The following RBM41 variants were observed in gnomAD, a reference collection of about 807,000 sequenced individuals.
RBM41 encodes the protein RNA-binding protein 41.
Under a neutral mutation model 30.8 loss-of-function variants are expected in RBM41, and 14 were observed. The ratio of observed to expected loss-of-function variants is 0.45; its 90% CI spans 0.30 to 0.71. The LOEUF is 0.71. RBM41 is among the 30% of genes least tolerant of loss of function. The pLI is 0.08. For missense variants in RBM41, 276 were observed against 326.3 expected (o/e 0.85, Z 1.19); for synonymous variants, 120 against 110.1 (o/e 1.09, Z -0.56).
chrX:107,094,356 C>T (rs1156451650), intron 5 of RBM41, among the ~76,000 whole-genome samples: 1 of 112,275 alleles, frequency 8.9e-6, no homozygotes, highest in Non-Finnish European at 1.9e-5. Flanking sequence ...TAATCACACA[C>T]ACATAAGTGG....
At chrX:107,073,903 G>A (rs778808518) in intron 6 of RBM41, among the ~76,000 whole-genome samples, 47 of 111,328 alleles carry the variant, frequency 4.2e-4, no homozygotes, top group Non-Finnish European at 8.3e-4. Context: ...ACTTATATGT[G>A]GGAGCTAAAA....
In RBM41 at chrX:107,088,581, G is replaced by A. The variant is rs748444962; in HGVS notation, c.854C>T (p.Pro285Leu). The A allele has an allele frequency of 3.3e-6, 4 of 1,211,346 alleles. No homozygotes were observed. Among genetic ancestry groups the A allele is most frequent in the Non-Finnish European group, 4.5e-6 (4 of 895,452 alleles). The stretch of plus-strand genomic sequence containing the variant: ...CTTAGGCCCAGTCCAACACTGCTCA[G>A]GTGAAAAATCAATAACATTTGCCAC... ...LHVANVIDFS[P>L]EQCWTGPKKL... The change falls in exon 6 of 8, where the codon CCT (proline) becomes CTT (leucine). Residue 285 changes from proline (P) to leucine (L), a missense_variant. Transcript: ENST00000685964.
chrX:107,073,737 C>G (rs1277938743), intron 6 of RBM41, among the ~76,000 whole-genome samples: 6 of 111,899 alleles, frequency 5.4e-5, no homozygotes, highest in African/African-American at 1.9e-4. Flanking sequence ...TGAAGTTAAC[C>G]TAGGTGCCCA....
At chrX:107,109,698 T>C (rs534851720) in intron 5 of RBM41, among the ~76,000 whole-genome samples, 3 of 111,563 alleles carry the variant, frequency 2.7e-5, no homozygotes, top group African/African-American at 9.7e-5. Flanking sequence ...TTTGAAATCT[T>C]TTTTCTTTAT....
At chrX:107,114,038 C>T (rs982211397) in intron 4 of RBM41, among the ~76,000 whole-genome samples, 2 of 111,799 alleles carry the variant, frequency 1.8e-5, no homozygotes, top group African/African-American at 3.3e-5. Flanking sequence ...ACTCATCATC[C>T]TTCCTCGAAA....
intron 6 of RBM41, among the ~76,000 whole-genome samples, chrX:107,081,948 C>T (rs1921560157): frequency 2.7e-5 from 3 of 112,036 alleles, no homozygotes; most frequent in South Asian, 3.7e-4. Context: ...CACAGACATA[C>T]GTGTTACTTG....
chrX:107,108,374 A>G (rs1329197669), intron 5 of RBM41, among the ~76,000 whole-genome samples: 1 of 111,550 alleles, frequency 9.0e-6, no homozygotes, highest in East Asian at 2.8e-4. Context: ...CGTGACTCCC[A>G]TTGAATAAAG....
intron 5 of RBM41, among the ~76,000 whole-genome samples, chrX:107,108,500 G>A (rs1256255052): frequency 4.5e-5 from 5 of 111,732 alleles, no homozygotes; most frequent in African/African-American, 1.6e-4. Flanking sequence ...ATGTGCAGAA[G>A]AGACATGGCA....
intron 5 of RBM41, among the ~76,000 whole-genome samples, chrX:107,101,280 C>T (rs370925023): frequency 1.8e-5 from 2 of 111,349 alleles, no homozygotes; most frequent in South Asian, 3.8e-4. Flanking sequence ...ATCTATCTCA[C>T]TATAAAGAGA....
chrX:107,087,099 G>A (rs943100265), intron 6 of RBM41, among the ~76,000 whole-genome samples: 3 of 111,186 alleles, frequency 2.7e-5, no homozygotes, highest in African/African-American at 9.8e-5. Context: ...AAGGAGAATG[G>A]GATTGGTGAG....
intron 5 of RBM41, among the ~76,000 whole-genome samples, chrX:107,106,250 C>CA (rs1178993560): frequency 8.9e-6 from 1 of 111,811 alleles, no homozygotes; most frequent in Non-Finnish European, 1.9e-5. Flanking sequence ...TTTATGCAGC[C>CA]AAAAAACACA....
At chrX:107,115,264 C>A in intron 4 of RBM41, 88 bp downstream of exon 4, 3 of 979,643 alleles carry the variant, frequency 3.1e-6, no homozygotes, top group Non-Finnish European at 4.3e-6. Flanking sequence ...TTCCCCTATT[C>A]CCTTCACTAA....
At chrX:107,076,452 T>C (rs1411976581) in intron 6 of RBM41, among the ~76,000 whole-genome samples, 1 of 111,025 alleles carries the variant, frequency 9.0e-6, no homozygotes, top group Non-Finnish European at 1.9e-5. Flanking sequence ...TCGAGGACTA[T>C]AGGCTAAGTG....
chrX:107,060,697 G>A (rs1016269446), downstream of RBM41, among the ~76,000 whole-genome samples: 1 of 111,184 alleles, frequency 9.0e-6, no homozygotes, highest in African/African-American at 3.3e-5. Flanking sequence ...AAACACTACC[G>A]TAATAATTGC....
At chrX:107,060,687 A>G (rs945352005), downstream of RBM41, among the ~76,000 whole-genome samples, 5 of 111,468 alleles carry the variant, frequency 4.5e-5, no homozygotes, top group African/African-American at 1.3e-4. Context: ...CCCACTAGGT[A>G]AACACTACCG....
chrX:107,071,054 CA>C (rs201441464), intron 6 of RBM41, among the ~76,000 whole-genome samples: 25,304 of 82,107 alleles, frequency 0.31, 3,329 homozygotes, highest in East Asian at 0.5. Flanking sequence ...GACCCTGTCT[CA>C]AAAAAAAAAA....
rs777104448 is a variant in RBM41 at position 107,118,358 on chromosome X, G to A, written c.8+408C>T. On this transcript the variant is annotated intron_variant, in intron 1 of 7. Coordinates refer to ENST00000685964, the MANE Select transcript of RBM41 (RefSeq NM_001324242.2). ...ACACACAGACGTTGCAAATAAATGC[G>A]CCCGCCCCGAGCCTTTCTCAGGTGG... Among the ~76,000 whole-genome samples the A allele has an allele frequency of 2.2e-3, 247 of 111,593 alleles. 2 individuals carry two copies. The highest frequency in any genetic ancestry group is 4.1e-3 in the Non-Finnish European group (216 of 53,045).
chrX:107,114,910 T>TCAC (rs1310861910), intron 4 of RBM41: 1 of 121,939 alleles, frequency 8.2e-6, no homozygotes, highest in Non-Finnish European at 1.7e-5. Context: ...CCTTCCAGTG[T>TCAC]CACCTCCTGT....
chrX:107,073,225 T>C (rs1936126493), intron 6 of RBM41, among the ~76,000 whole-genome samples: 1 of 111,699 alleles, frequency 9.0e-6, no homozygotes, highest in Non-Finnish European at 1.9e-5. Context: ...GAGAAAATAT[T>C]TGCAAACTAC....
Sources: allele counts gnomAD v4.1 joint callset (sites outside exome capture counted in the v4.1 genomes callset), GRCh38; gene constraint gnomAD v4.1.1; transcripts MANE v1.5; gene names NCBI Gene and HGNC (gene_info 2026-07-23, HGNC 2026-07-21).